The following CFAP74 variants were observed in gnomAD, a reference collection of about 807,000 sequenced individuals.
CFAP74 encodes cilia- and flagella-associated protein 74.
Under a neutral mutation model 188.9 loss-of-function variants are expected in CFAP74, and 124 were observed. That is an observed-to-expected ratio of 0.66 (90% CI 0.57 to 0.76). The LOEUF is 0.76. CFAP74 is among the 30% of genes least tolerant of loss of function. CFAP74 has a pLI of 0.00. For synonymous variants in CFAP74, 956 were observed against 916.7 expected (o/e 1.04, Z -0.77); for missense variants, 2,198 against 2,165.2 (o/e 1.02, Z -0.30).
At chr1:1,934,796 TAC>T (rs1198369553) in intron 25 of CFAP74, among the ~76,000 whole-genome samples, 3 of 145,310 alleles carry the variant, frequency 2.1e-5, no homozygotes, top group African/African-American at 5.2e-5. Context: ...AGGTTGTAGG[TAC>T]ACACGTGTGT....
rs1283432837 is a variant in CFAP74, at chr1:1,956,802, G to T, written c.1852-18C>A. Reference sequence around the variant, plus strand: ...AGGGACAGCTGCCAGAGGACATGGAGTGAACTCAGGGCCACCGTGCCAGGC... The same window carrying T: ...AGGGACAGCTGCCAGAGGACATGGATTGAACTCAGGGCCACCGTGCCAGGC... On this transcript the variant is annotated intron_variant, in intron 16 of 38. Coordinates refer to ENST00000682832, the MANE Select transcript of CFAP74 (RefSeq NM_001304360.2). The T allele has an allele frequency of 6.2e-7, 1 of 1,608,834 alleles. No homozygotes were observed. Among genetic ancestry groups the T allele is most frequent in the Non-Finnish European group, 8.5e-7 (1 of 1,177,448 alleles).
chr1:1,980,192 C>T (rs9697274), intron 6 of CFAP74, among the ~76,000 whole-genome samples: 85 of 5,784 alleles, frequency 0.015, 2 homozygotes, highest in African/African-American at 0.065. Flanking sequence ...CGGCACAGAT[C>T]GCAGTGGGCG....
intron 25 of CFAP74, among the ~76,000 whole-genome samples, chr1:1,934,801 AC>A: frequency 7.3e-6 from 1 of 137,852 alleles, no homozygotes; most frequent in Non-Finnish European, 1.5e-5. Context: ...GTAGGTACAC[AC>A]GTGTGTATGT....
chr1:1,931,927 G>A (rs1293746704), intron 25 of CFAP74, among the ~76,000 whole-genome samples: 2 of 151,216 alleles, frequency 1.3e-5, no homozygotes, highest in Non-Finnish European at 2.9e-5. Flanking sequence ...TTAGCTGGGC[G>A]TGGTGGCCGG....
rs1283735004 is a variant in CFAP74 at position 1,956,700 on chromosome 1, C to T, written c.1936G>A (p.Gly646Arg). ...AACTTGAAAGTCGTGCCCAAGCCCC[C>T]AACGTTGGTCAGCGTGATGGTCCGA... The part of the protein sequence containing the change: ...TSRTITLTNV[G>R]GLGTTFKFLP... The change falls in exon 17 of 39, where the codon GGG (glycine) becomes AGG (arginine). Residue 646 changes from glycine (G) to arginine (R), a missense_variant. Gly to Arg is a moderately radical substitution (Grantham distance 125). Transcript: ENST00000682832. 5 of 1,614,094 alleles carry T rather than the reference C, an allele frequency of 3.1e-6. No individual in the cohort carries two copies. The highest frequency in any genetic ancestry group is 4.2e-6 in the Non-Finnish European group (5 of 1,179,982).
chr1:1,956,555 C>A (rs1033689367), intron 17 of CFAP74, 65 bp downstream of exon 17: 5 of 1,594,354 alleles, frequency 3.1e-6, no homozygotes, highest in Non-Finnish European at 4.3e-6. Flanking sequence ...CCTCTGTTCA[C>A]CCACATGGGA....
At chr1:1,941,935 A>G in intron 22 of CFAP74, 93 bp downstream of exon 22, 2 of 1,273,158 alleles carry the variant, frequency 1.6e-6, no homozygotes, top group South Asian at 2.1e-5. Context: ...CCCGGCAGCA[A>G]TGAGAACAGA....
intron 10 of CFAP74, among the ~76,000 whole-genome samples, chr1:1,970,393 G>A (rs551924870): frequency 1.3e-5 from 2 of 152,200 alleles, no homozygotes; most frequent in Non-Finnish European, 2.9e-5. Context: ...CTCGACAGGG[G>A]CCGGGGTTTC....
rs1227502317 is a variant in CFAP74 at position 1,975,540 on chromosome 1, A to G, written c.501-1342T>C. On this transcript the variant is annotated intron_variant, in intron 6 of 38. Transcript: ENST00000682832. This position sits in a 1 kb window ranked among gnomAD's most constrained non-coding sequence, Gnocchi z 4.5. ...TTGGTTTTGGCATCGAGGTTGTGTC[A>G]CTGCATTTTAGAAACTGGGCATACC... Among the ~76,000 whole-genome samples the G allele has an allele frequency of 6.6e-6, 1 of 152,090 alleles. No homozygotes were observed. Among genetic ancestry groups the G allele is most frequent in the Non-Finnish European group, 1.5e-5 (1 of 68,014 alleles).
rs114765260 is a variant in CFAP74, at chr1:1,974,349, T to C, written c.501-151A>G. 144 of 675,706 alleles carry C rather than the reference T, an allele frequency of 2.1e-4. No homozygotes were observed. In the African/African-American group the frequency reaches 2.5e-3, roughly 12 times the overall value. The allele number at this position is 675,706 out of a possible 1,614,324, so 41.9% of individuals were successfully genotyped here. ...CTCTAGGGGCCATCTCCGCTCTGAG[T>C]CACCCAGACACTGAGGCCCGCCCTG... On this transcript the variant is annotated intron_variant, in intron 6 of 38. Transcript: ENST00000682832.
chr1:1,950,565 C>T (rs544801772), intron 18 of CFAP74, among the ~76,000 whole-genome samples: 1 of 152,246 alleles, frequency 6.6e-6, no homozygotes, highest in South Asian at 2.1e-4. Context: ...GTCTCAAACT[C>T]CTGACCTCAG....
chr1:1,955,778 C>G lies in CFAP74; in HGVS notation c.2089G>C (p.Glu697Gln), dbSNP rs1374735986. The change falls in exon 18 of 39, where the codon GAG becomes CAG. Residue 697 changes from glutamate (E) to glutamine (Q), a missense_variant. Glu to Gln is a conservative substitution (Grantham distance 29). Transcript: ENST00000682832. ...AATSFSEQQL[E>Q]GTESSQADMQ... ...TCCGCCTGGGAGGACTCCGTGCCCTCTAGCTGCTGCTCAGAGAAGCTGGTG... is the reference window on the plus strand; with the variant it reads ...TCCGCCTGGGAGGACTCCGTGCCCTGTAGCTGCTGCTCAGAGAAGCTGGTG... The G allele has an allele frequency of 6.2e-7, 1 of 1,614,254 alleles. No individual in the cohort carries two copies. The highest frequency in any genetic ancestry group is 1.7e-5 in the Admixed American group (1 of 60,030).
intron 6 of CFAP74, among the ~76,000 whole-genome samples, chr1:1,976,043 T>C (rs917091436): frequency 6.6e-6 from 1 of 152,238 alleles, no homozygotes; most frequent in Non-Finnish European, 1.5e-5. Flanking sequence ...TATGAAAGCC[T>C]GTTCCTCAAA....
intron 18 of CFAP74, among the ~76,000 whole-genome samples, chr1:1,951,007 G>A (rs575858634): frequency 2.0e-5 from 3 of 152,248 alleles, no homozygotes; most frequent in African/African-American, 7.2e-5. Flanking sequence ...ACGAATTAAA[G>A]TTAAACTGGA....
At chr1:1,959,236 A>C in intron 15 of CFAP74, 27 bp from the exon 16 acceptor site, 4 of 1,426,714 alleles carry the variant, frequency 2.8e-6, no homozygotes, top group Non-Finnish European at 3.9e-6. Context: ...CCCCCACCAC[A>C]ATACACTTCT....
At chr1:1,952,823 T>TA (rs35595511) in intron 18 of CFAP74, among the ~76,000 whole-genome samples, 17 of 151,098 alleles carry the variant, frequency 1.1e-4, no homozygotes, top group African/African-American at 3.9e-4. Flanking sequence ...CCTGGCTAAT[T>TA]AAAAAAAAAC....
intron 25 of CFAP74, among the ~76,000 whole-genome samples, 161 bp from the exon 26 acceptor site, chr1:1,930,497 G>A (rs561689363): frequency 3.3e-5 from 5 of 152,300 alleles, no homozygotes; most frequent in African/African-American, 2.4e-5. Context: ...GACAAGTTTC[G>A]AAAATACAGC....
intron 20 of CFAP74, among the ~76,000 whole-genome samples, chr1:1,946,099 G>A (rs192571187): frequency 1.3e-5 from 2 of 152,310 alleles, no homozygotes; most frequent in East Asian, 3.9e-4. Context: ...GGGCATGCGT[G>A]TATGTGCTCA....
intron 20 of CFAP74, 51 bp from the exon 21 acceptor site, chr1:1,944,503 G>A: frequency 6.6e-7 from 1 of 1,524,036 alleles, no homozygotes; most frequent in Non-Finnish European, 8.8e-7. Context: ...GGCACAGCAG[G>A]CATTGTTGGT....
Sources: allele counts gnomAD v4.1 joint callset (sites outside exome capture counted in the v4.1 genomes callset), GRCh38; gene constraint gnomAD v4.1.1; non-coding constraint Gnocchi (gnomAD v3.1); transcripts MANE v1.5; gene names NCBI Gene and HGNC (gene_info 2026-07-23, HGNC 2026-07-21).